LRBA: variants seen among roughly 807,000 people sequenced by gnomAD.
The protein encoded by LRBA is LPS responsive beige-like anchor protein, also known as lipopolysaccharide-responsive and beige-like anchor protein.
Under a neutral mutation model 330.0 loss-of-function variants are expected in LRBA, and 176 were observed. The ratio of observed to expected loss-of-function variants is 0.53; its 90% CI spans 0.47 to 0.60. The LOEUF (loss-of-function observed/expected upper bound fraction) is 0.60, where lower values mean the gene tolerates loss of function less well. Among genes scored for constraint, LRBA ranks in the 20% least tolerant of loss-of-function variants. The pLI is 0.00. For missense variants in LRBA, 3,259 were observed against 3,444.8 expected, an observed-to-expected ratio of 0.95 and a Z score of 1.35; for synonymous variants, 1,230 against 1,193.0, an observed-to-expected ratio of 1.03 and a Z score of -0.64.
chr4:150,840,883 C>A, intron 28 of LRBA: 1 of 999,356 alleles, frequency 1.0e-6, no homozygotes, highest in South Asian at 2.2e-5. Context: ...AAAAATGAGA[C>A]TAATTGTTAA....
intron 40 of LRBA, among the ~76,000 whole-genome samples, chr4:150,525,583 G>T (rs1763375189): frequency 6.6e-6 from 1 of 152,092 alleles, no homozygotes; most frequent in African/African-American, 2.4e-5. Flanking sequence ...TTCTGTTTTA[G>T]AAACAGTCTT....
At chr4:150,534,917 C>T (rs1764483143) in intron 40 of LRBA, among the ~76,000 whole-genome samples, 1 of 152,082 alleles carries the variant, frequency 6.6e-6, no homozygotes, top group South Asian at 2.1e-4. Flanking sequence ...TGTTTCAGTG[C>T]TGACAAAATC....
chr4:150,763,279 G>A (rs1357748959), intron 34 of LRBA, among the ~76,000 whole-genome samples: 1 of 151,808 alleles, frequency 6.6e-6, no homozygotes, highest in Admixed American at 6.6e-5. Context: ...ATATCCTTAG[G>A]CATATCGTGC....
chr4:150,930,063 CCAG>C (rs1734311576), intron 2 of LRBA, among the ~76,000 whole-genome samples: 1 of 152,032 alleles, frequency 6.6e-6, no homozygotes, highest in African/African-American at 2.4e-5. Flanking sequence ...GCCTGTAATC[CCAG>C]CACTTTGGGA....
chr4:150,533,547 T>G (rs1023588910), intron 40 of LRBA, among the ~76,000 whole-genome samples: 1 of 152,176 alleles, frequency 6.6e-6, no homozygotes, highest in African/African-American at 2.4e-5. Context: ...TGTTGTTGTT[T>G]GAAGGGCATG....
intron 2 of LRBA, among the ~76,000 whole-genome samples, chr4:150,951,277 C>T (rs1736803278): frequency 6.6e-6 from 1 of 151,950 alleles, no homozygotes; most frequent in Non-Finnish European, 1.5e-5. Context: ...AATTATGGCA[C>T]ATACGTATAG....
At chr4:150,685,901 G>A (rs1384209568) in intron 36 of LRBA, among the ~76,000 whole-genome samples, 4 of 152,132 alleles carry the variant, frequency 2.6e-5, no homozygotes, top group Non-Finnish European at 5.9e-5. Context: ...GACAAAGCAA[G>A]AGAGTTTGAC....
At chr4:150,811,672 T>A (rs969171659) in intron 31 of LRBA, among the ~76,000 whole-genome samples, 2 of 152,088 alleles carry the variant, frequency 1.3e-5, no homozygotes, top group African/African-American at 2.4e-5. Context: ...TCAGCTAATT[T>A]TTTTTAATTT....
chr4:150,718,174 A>AACCT (rs1191283440), intron 36 of LRBA, among the ~76,000 whole-genome samples: 2 of 152,092 alleles, frequency 1.3e-5, no homozygotes, highest in Non-Finnish European at 2.9e-5. Context: ...ACATTCATGG[A>AACCT]ACCTCTCTGT....
rs542088220 is a variant in LRBA, at chr4:150,914,701, T to C, written c.1015-360A>G. Among the ~76,000 whole-genome samples, 237 of 152,268 alleles carry C rather than the reference T, an allele frequency of 1.6e-3. 2 individuals carry two copies. The highest frequency in any genetic ancestry group is 5.5e-3 in the African/African-American group (228 of 41,566). On this transcript the variant is annotated intron_variant, in intron 8 of 56. Transcript: ENST00000651943. ...TGCTGGAGCTTTTTGAAAATAAAGCTATTTATTACAATGCCTGGAATACAA... is the reference window on the plus strand; with the variant it reads ...TGCTGGAGCTTTTTGAAAATAAAGCCATTTATTACAATGCCTGGAATACAA...
chr4:150,279,428 C>T (rs1279194507), intron 55 of LRBA, among the ~76,000 whole-genome samples: 4 of 152,136 alleles, frequency 2.6e-5, no homozygotes, highest in Admixed American at 1.3e-4. Context: ...CACCTGTAAT[C>T]GCATGTCCAC....
intron 37 of LRBA, among the ~76,000 whole-genome samples, chr4:150,602,243 G>A (rs1363547569): frequency 6.6e-6 from 1 of 152,092 alleles, no homozygotes; most frequent in African/African-American, 2.4e-5. Context: ...TATATTTTTT[G>A]AGAGTCTCTT....
At chr4:151,007,522 A>G (rs909393148) in intron 2 of LRBA, among the ~76,000 whole-genome samples, 1 of 146,220 alleles carries the variant, frequency 6.8e-6, no homozygotes, top group African/African-American at 2.6e-5. Flanking sequence ...AAAAAACAAA[A>G]AAAAAAATGG....
At chr4:150,604,309 T>C (rs1351366613) in intron 37 of LRBA, among the ~76,000 whole-genome samples, 1 of 150,712 alleles carries the variant, frequency 6.6e-6, no homozygotes, top group Non-Finnish European at 1.5e-5. Flanking sequence ...GAGGCTAAGG[T>C]GGGAAGGTTT....
chr4:150,578,506 G>C (rs916148094), intron 40 of LRBA, among the ~76,000 whole-genome samples: 9 of 152,062 alleles, frequency 5.9e-5, no homozygotes, highest in African/African-American at 2.2e-4. Context: ...ATAATTAAAA[G>C]TTTATTTAAC....
At chr4:150,331,372 A>G (rs986287355) in intron 48 of LRBA, among the ~76,000 whole-genome samples, 8 of 152,200 alleles carry the variant, frequency 5.3e-5, no homozygotes, top group African/African-American at 1.9e-4. Context: ...AAATGCCTCA[A>G]CTGCTCTTAA....
At chr4:150,959,248 C>T (rs1016379344) in intron 2 of LRBA, among the ~76,000 whole-genome samples, 1 of 149,034 alleles carries the variant, frequency 6.7e-6, no homozygotes, top group East Asian at 1.9e-4. Flanking sequence ...CTTTATAAAA[C>T]CATCAGATCT....
At chr4:150,925,491 T>C (rs1484275429) in intron 4 of LRBA, among the ~76,000 whole-genome samples, 1 of 152,208 alleles carries the variant, frequency 6.6e-6, no homozygotes, top group Non-Finnish European at 1.5e-5. Context: ...ACTAGACTCC[T>C]CTTGAGGTTG....
At chr4:150,904,121 C>G (rs1255841147) in intron 13 of LRBA, among the ~76,000 whole-genome samples, 2 of 152,234 alleles carry the variant, frequency 1.3e-5, no homozygotes, top group Non-Finnish European at 2.9e-5. Context: ...CTTTTCACAT[C>G]CACACATCCA....
Sources: allele counts gnomAD v4.1 joint callset (sites outside exome capture counted in the v4.1 genomes callset), GRCh38; gene constraint gnomAD v4.1.1; transcripts MANE v1.5; gene names NCBI Gene and HGNC (gene_info 2026-07-23, HGNC 2026-07-21).